LRRC56: variants seen among roughly 807,000 people sequenced by gnomAD.
LRRC56 encodes leucine-rich repeat-containing protein 56.
In LRRC56, 41 loss-of-function variants were observed where a neutral mutation model predicts 47.8. The observed-to-expected ratio is 0.86, with a 90% confidence interval of 0.67 to 1.11. The LOEUF is 1.11. Among genes scored for constraint, LRRC56 ranks in the 50% most tolerant of loss-of-function variants. The pLI, the probability that LRRC56 is intolerant of heterozygous loss-of-function variation, is 0.00. For missense variants in LRRC56, 759 were observed against 704.2 expected, an observed-to-expected ratio of 1.08 and a Z score of -0.88; for synonymous variants, 387 against 311.2, an observed-to-expected ratio of 1.24 and a Z score of -2.56.
chr11:533,513 A>G (rs2133986915), upstream of LRRC56: 2 of 1,613,558 alleles, frequency 1.2e-6, no homozygotes, highest in Non-Finnish European at 1.7e-6. Flanking sequence ...CGAGGTCCTG[A>G]GCCTGCCGAG....
upstream of LRRC56, chr11:534,622 GA>G (rs1851342466): frequency 1.9e-6 from 1 of 513,988 alleles, no homozygotes; most frequent in Admixed American, 3.3e-5. Flanking sequence ...AGGCAGGGCT[GA>G]CAGCTGAGCG....
chr11:544,623 T>G, intron 5 of LRRC56, 97 bp from the exon 6 acceptor site: 1 of 1,280,262 alleles, frequency 7.8e-7, no homozygotes, highest in South Asian at 1.2e-5. Flanking sequence ...CCACGAGCAG[T>G]GAGGGGCCGG....
At position 552,581 on chromosome 11, in the gene LRRC56, T is replaced by C; in HGVS notation, c.1194T>C (p.Tyr398=). The C allele has an allele frequency of 6.2e-7, 1 of 1,602,552 alleles. No homozygotes were observed. Among genetic ancestry groups the C allele is most frequent in the Non-Finnish European group, 8.5e-7 (1 of 1,174,422 alleles). Residue 398 remains tyrosine (Y), a synonymous_variant, in exon 13 of 14, where the codon TAT becomes TAC. Transcript: ENST00000270115. ...CTCCCCACCCTAGCCCCCTCCCCTA[T>C]AGGCACCCGGAGTCCCAACAGGAAG... is the stretch of plus-strand genomic sequence containing the variant. The part of the protein sequence containing the change: ...WREHGVRPLP[Y]RHPESQQEGA...
At chr11:518,157 G>C in the LRRC56 span, among the ~76,000 whole-genome samples, 643 of 151,894 alleles carry the variant, frequency 4.2e-3, 3 homozygotes, top group African/African-American at 0.015. Flanking sequence ...ACCCAAGAAT[G>C]ATCAATAAAT....
chr11:551,946 G>T lies in LRRC56; in HGVS notation c.1017G>T (p.Arg339=), dbSNP rs766623855. 6.2e-7 allele frequency: 1 copy of T among 1,612,706 alleles called. No individual in the cohort carries two copies. Among genetic ancestry groups the T allele is most frequent in the East Asian group, 2.2e-5 (1 of 44,876 alleles). The change falls in exon 11 of 14, where the codon CGG becomes CGT. Residue 339 remains arginine (R), a synonymous_variant. Coordinates refer to ENST00000270115, the MANE Select transcript of LRRC56 (RefSeq NM_198075.4). ...GTGGGAACCCCACCAAGGGCCTGCG[G>T]GAGCGTAGGCACCAGTGCCAGGTAC... ...VLCGNPTKGL[R]ERRHQCQARE... is the part of the protein sequence containing the mutation.
At chr11:533,048 G>A (rs764024317), upstream of LRRC56, among the ~76,000 whole-genome samples, 6 of 152,186 alleles carry the variant, frequency 3.9e-5, no homozygotes, top group East Asian at 1.9e-4. Flanking sequence ...ACTCAGCTAC[G>A]GCCCGTGTCC....
At chr11:509,368 G>A in the LRRC56 span, among the ~76,000 whole-genome samples, 1 of 152,140 alleles carries the variant, frequency 6.6e-6, no homozygotes, top group African/African-American at 2.4e-5. Context: ...AGATTTGTTC[G>A]TGGCAATTCT....
chr11:507,484 C>T, the LRRC56 span, among the ~76,000 whole-genome samples: 5 of 148,396 alleles, frequency 3.4e-5, no homozygotes, highest in South Asian at 1.1e-3. Flanking sequence ...CGGGGTCTGG[C>T]GGGCGCGGGC....
At chr11:533,292 TG>T, upstream of LRRC56, 2 of 1,598,014 alleles carry the variant, frequency 1.3e-6, no homozygotes. Context: ...GAGGGGCCGC[TG>T]GGTCACATGG....
At chr11:542,773 G>A (rs1851865947) in intron 5 of LRRC56, among the ~76,000 whole-genome samples, 1 of 151,972 alleles carries the variant, frequency 6.6e-6, no homozygotes, top group South Asian at 2.1e-4. Flanking sequence ...ACTTCAGTGT[G>A]TATTTCCTGA....
chr11:516,029 C>T, the LRRC56 span, among the ~76,000 whole-genome samples: 1 of 152,192 alleles, frequency 6.6e-6, no homozygotes, highest in African/African-American at 2.4e-5. Flanking sequence ...TCTCGATCCT[C>T]TATTCTGTTC....
Position 551,795 on chromosome 11 carries a change from C to G in LRRC56, c.941C>G (p.Ala314Gly). ...GAAGGCCTGCTTTCTGAGGACCTGG[C>G]CCCAGAAGATAACACCAGCAGCCTC... Reference protein sequence around the residue: ...LPEGLLSEDLAPEDNTSSLTH... With the variant: ...LPEGLLSEDLGPEDNTSSLTH... The change falls in exon 10 of 14, where the codon GCC (alanine) becomes GGC (glycine). Residue 314 changes from alanine (A) to glycine (G), a missense_variant. By Grantham distance (60) the Ala-to-Gly change is moderately conservative. Coordinates refer to ENST00000270115, the MANE Select transcript of LRRC56 (RefSeq NM_198075.4). 6.2e-7 allele frequency: 1 copy of G among 1,608,422 alleles called. No homozygotes were observed. Among genetic ancestry groups the G allele is most frequent in the Non-Finnish European group, 8.5e-7 (1 of 1,177,384 alleles).
At chr11:547,174 G>A (rs1852125469) in intron 6 of LRRC56, among the ~76,000 whole-genome samples, 1 of 152,038 alleles carries the variant, frequency 6.6e-6, no homozygotes, top group Non-Finnish European at 1.5e-5. Context: ...GGAGGTTGCA[G>A]TGAGCTGAGA....
At chr11:510,393 G>A in the LRRC56 span, among the ~76,000 whole-genome samples, 2 of 152,062 alleles carry the variant, frequency 1.3e-5, no homozygotes, top group Non-Finnish European at 2.9e-5. Context: ...TTTGAGGTCA[G>A]GAGTTCAAGA....
chr11:551,599 G>C, intron 9 of LRRC56, 52 bp from the exon 10 acceptor site: 1 of 1,514,464 alleles, frequency 6.6e-7, no homozygotes, highest in South Asian at 1.3e-5. Context: ...CAGAGTCTGG[G>C]GGGCGCTCTC....
chr11:532,325 G>C, the LRRC56 span: 1 of 514,114 alleles, frequency 1.9e-6, no homozygotes, highest in Non-Finnish European at 3.5e-6. Flanking sequence ...TAAGGGCTGG[G>C]GTTCCGGTGG....
upstream of LRRC56, chr11:533,306 C>T (rs546840579): frequency 2.5e-6 from 4 of 1,600,914 alleles, no homozygotes; most frequent in Admixed American, 1.7e-5. Flanking sequence ...TCACATGGGT[C>T]CCGGGGGGTC....
At chr11:523,967 A>G in the LRRC56 span, among the ~76,000 whole-genome samples, 55 of 152,234 alleles carry the variant, frequency 3.6e-4, no homozygotes, top group South Asian at 2.3e-3. Flanking sequence ...AAACTACAAG[A>G]TCTGAAGAAA....
intron 6 of LRRC56, among the ~76,000 whole-genome samples, chr11:546,119 A>C (rs1852063817): frequency 6.6e-6 from 1 of 151,972 alleles, no homozygotes; most frequent in Non-Finnish European, 1.5e-5. Context: ...AAAAATACAA[A>C]ATTAGCCGTG....
Sources: allele counts gnomAD v4.1 joint callset (sites outside exome capture counted in the v4.1 genomes callset), GRCh38; gene constraint gnomAD v4.1.1; transcripts MANE v1.5; gene names NCBI Gene and HGNC (gene_info 2026-07-23, HGNC 2026-07-21).